Variants in ARHGAP8 observed in about 807,000 individuals in gnomAD.
The protein encoded by ARHGAP8 is rho GTPase-activating protein 8.
Under a neutral mutation model 46.1 loss-of-function variants are expected in ARHGAP8, and 62 were observed. The ratio of observed to expected loss-of-function variants is 1.34; its 90% CI spans 1.10 to 1.66. The LOEUF (loss-of-function observed/expected upper bound fraction) is 1.66. Among genes scored for constraint, ARHGAP8 ranks in the 40% most tolerant of loss-of-function variants. The probability of loss-of-function intolerance (pLI) is 0.00; values close to 1 mark genes in which losing one functional copy is unlikely to be tolerated. For synonymous variants in ARHGAP8, 375 were observed against 243.1 expected, an observed-to-expected ratio of 1.54 and a Z score of -5.05; for missense variants, 923 against 568.4, an observed-to-expected ratio of 1.62 and a Z score of -6.34.
chr22:44,822,694 G>A (rs911390695), intron 6 of ARHGAP8, among the ~76,000 whole-genome samples: 6 of 152,148 alleles, frequency 3.9e-5, no homozygotes, highest in African/African-American at 1.2e-4. Flanking sequence ...TGTTTTCCTC[G>A]CCCACCATTG....
chr22:44,853,101 C>T (rs2070137412), intron 10 of ARHGAP8, among the ~76,000 whole-genome samples: 1 of 141,800 alleles, frequency 7.1e-6, no homozygotes, highest in Non-Finnish European at 1.5e-5. Flanking sequence ...CGTGTCCGGC[C>T]TAAACTCCAT....
chr22:44,827,677 A>G (rs1291997618), intron 7 of ARHGAP8, among the ~76,000 whole-genome samples: 2 of 152,128 alleles, frequency 1.3e-5, no homozygotes, highest in Non-Finnish European at 2.9e-5. Flanking sequence ...AGTTGACGGT[A>G]GTTACTGGGA....
intron 4 of ARHGAP8, among the ~76,000 whole-genome samples, chr22:44,810,967 G>A (rs1202451724): frequency 6.6e-6 from 1 of 152,170 alleles, no homozygotes; most frequent in Non-Finnish European, 1.5e-5. Context: ...CAGTAGCCCT[G>A]TCTTGAGCTA....
rs187107135 is a variant in ARHGAP8, at chr22:44,820,913, C to T, written c.387-1458C>T. The stretch of plus-strand genomic sequence containing the variant: ...AGCTTTGGGCTGAGCACTGGGCGGC[C>T]GCTGTCCCTTTGGATTCTCCTACCT... On this transcript the variant is annotated intron_variant, in intron 5 of 11. Coordinates refer to ENST00000356099, the MANE Select transcript of ARHGAP8 (RefSeq NM_181335.3). Among the ~76,000 whole-genome samples, 985 of 152,246 alleles carry T rather than the reference C, an allele frequency of 6.5e-3. 6 individuals carry two copies. The highest frequency in any genetic ancestry group is 9.1e-3 in the Non-Finnish European group (622 of 68,022).
chr22:44,831,390 C>T (rs1278767532), intron 7 of ARHGAP8, among the ~76,000 whole-genome samples: 1 of 152,102 alleles, frequency 6.6e-6, no homozygotes, highest in African/African-American at 2.4e-5. Context: ...TGTTACAGCA[C>T]CACTTGTTGA....
At chr22:44,861,208 G>T (rs1271793917) in intron 11 of ARHGAP8, among the ~76,000 whole-genome samples, 1 of 152,068 alleles carries the variant, frequency 6.6e-6, no homozygotes, top group Admixed American at 6.6e-5. Flanking sequence ...CTGACCTCAG[G>T]TGATCCACCT....
intron 10 of ARHGAP8, among the ~76,000 whole-genome samples, chr22:44,859,490 A>C (rs561230599): frequency 6.6e-6 from 1 of 152,340 alleles, no homozygotes; most frequent in South Asian, 2.1e-4. Context: ...CAGCCTGTAG[A>C]ACCATGAGCC....
At chr22:44,855,832 T>C (rs907430989) in intron 10 of ARHGAP8, among the ~76,000 whole-genome samples, 5 of 152,172 alleles carry the variant, frequency 3.3e-5, no homozygotes, top group Non-Finnish European at 7.3e-5. Context: ...TGTGTTGCTA[T>C]GAAGAAATAC....
At chr22:44,853,428 T>C (rs1425333768) in intron 10 of ARHGAP8, among the ~76,000 whole-genome samples, 1 of 152,162 alleles carries the variant, frequency 6.6e-6, no homozygotes, top group Non-Finnish European at 1.5e-5. Flanking sequence ...AGGAGAAAAC[T>C]GGAAATGTTA....
At position 44,834,273 on chromosome 22, in the gene ARHGAP8, A is replaced by G. The variant is rs188530972; in HGVS notation, c.596+8680A>G. On this transcript the variant is annotated intron_variant, in intron 7 of 11. Transcript: ENST00000356099. ...CTTGCTTTTTGCAATGTAAGCATCT[A>G]TGGCTATAAATTACTAAGTCCTGCA... 4.8e-3 allele frequency among the ~76,000 whole-genome samples: 733 copies of G among 152,252 alleles called. 1 individual carries two copies. Among genetic ancestry groups the G allele is most frequent in the Non-Finnish European group, 7.0e-3 (476 of 67,976 alleles).
chr22:44,859,914 C>T (rs570150301), intron 11 of ARHGAP8, 80 bp downstream of exon 11: 8 of 1,504,984 alleles, frequency 5.3e-6, no homozygotes, highest in South Asian at 3.7e-5. Context: ...CCAGTCCCCT[C>T]CTTGCCCTGG....
chr22:44,772,968 A>T (rs4328738), intron 1 of ARHGAP8, among the ~76,000 whole-genome samples: 17,107 of 151,946 alleles, frequency 0.11, 995 homozygotes, highest in Middle Eastern at 0.15. Flanking sequence ...ACAAGTGTGC[A>T]CTACCATGCC....
At chr22:44,821,424 A>G (rs967520244) in intron 5 of ARHGAP8, among the ~76,000 whole-genome samples, 15 of 12,654 alleles carry the variant, frequency 1.2e-3, no homozygotes, top group Non-Finnish European at 2.5e-3. Flanking sequence ...GCGAGACTCC[A>G]TCTCGAAAAA....
At chr22:44,819,546 G>A (rs915417853) in intron 5 of ARHGAP8, among the ~76,000 whole-genome samples, 5 of 152,072 alleles carry the variant, frequency 3.3e-5, no homozygotes, top group African/African-American at 4.8e-5. Flanking sequence ...GGTGGCAGGC[G>A]CCTGTAATCC....
In ARHGAP8 at chr22:44,848,970, A is replaced by T. The variant is rs773460570; in HGVS notation, c.787A>T (p.Ile263Phe). The change falls in exon 10 of 12, where the codon ATC (isoleucine) becomes TTC (phenylalanine). Residue 263 changes from isoleucine to phenylalanine, a missense_variant. Ile to Phe is a conservative substitution (Grantham distance 21). Coordinates refer to ENST00000356099, the MANE Select transcript of ARHGAP8 (RefSeq NM_181335.3). ...CTTTGACGACTACGGGGACATTCACATCCCTGCCGTGATCCTGAAGACCTT... is the reference window on the plus strand; with the variant it reads ...CTTTGACGACTACGGGGACATTCACTTCCCTGCCGTGATCCTGAAGACCTT... ...VNFDDYGDIH[I>F]PAVILKTFLR... The T allele has an allele frequency of 1.2e-6, 2 of 1,614,016 alleles. No individual in the cohort carries two copies. The highest frequency in any genetic ancestry group is 2.7e-5 in the African/African-American group (2 of 74,930).
chr22:44,862,454 T>TGGGGAGCACGGCCTGGCACCATGGGAACA lies in ARHGAP8; in HGVS notation c.1170_1198dup (p.Arg400ThrfsTer37). ...AGATCTTCAGCACCCCGGAGGCACC[T>TGGGGAGCACGGCCTGGCACCATGGGAACA]GGGGAGCACGGCCTGGCACCATGGG... On this transcript the variant is annotated frameshift_variant, in exon 12 of 12. Coordinates refer to ENST00000356099, the MANE Select transcript of ARHGAP8 (RefSeq NM_181335.3). LOFTEE classifies it low-confidence loss of function (END_TRUNC). 2 of 1,614,012 alleles carry TGGGGAGCACGGCCTGGCACCATGGGAACA rather than the reference T, an allele frequency of 1.2e-6. No individual in the cohort carries two copies. Among genetic ancestry groups the TGGGGAGCACGGCCTGGCACCATGGGAACA allele is most frequent in the Non-Finnish European group, 1.7e-6 (2 of 1,179,976 alleles).
At chr22:44,830,037 T>TTC (rs540403428) in intron 7 of ARHGAP8, among the ~76,000 whole-genome samples, 40 of 151,010 alleles carry the variant, frequency 2.6e-4, no homozygotes, top group African/African-American at 7.3e-4. Context: ...TTTTTTTTTT[T>TTC]CCCTGAGATG....
chr22:44,833,362 G>C (rs929957672), intron 7 of ARHGAP8, among the ~76,000 whole-genome samples: 1 of 151,858 alleles, frequency 6.6e-6, no homozygotes, highest in African/African-American at 2.4e-5. Flanking sequence ...TTGGTTGGTT[G>C]GTTGGTTTGT....
chr22:44,811,604 G>A (rs1247713991), intron 4 of ARHGAP8, among the ~76,000 whole-genome samples: 1 of 152,192 alleles, frequency 6.6e-6, no homozygotes, highest in Non-Finnish European at 1.5e-5. Flanking sequence ...ACAGATCTTG[G>A]CTCAGTAGAA....
Sources: allele counts gnomAD v4.1 joint callset (sites outside exome capture counted in the v4.1 genomes callset), GRCh38; gene constraint gnomAD v4.1.1; transcripts MANE v1.5; gene names NCBI Gene and HGNC (gene_info 2026-07-23, HGNC 2026-07-21).